Variants in COL6A3 observed in about 807,000 individuals in gnomAD.
COL6A3 encodes collagen alpha-3(VI) chain.
COL6A3 carries 137 observed loss-of-function variants against 274.1 expected under a neutral mutation model. That is an observed-to-expected ratio of 0.50 (90% CI 0.44 to 0.58). The LOEUF is 0.58. Ranked by LOEUF, COL6A3 falls within the 20% of genes least tolerant of loss-of-function variation. The probability of loss-of-function intolerance (pLI) is 0.00; values close to 1 mark genes in which losing one functional copy is unlikely to be tolerated. For synonymous variants in COL6A3, 1,650 were observed against 1,650.6 expected (o/e 1.00, Z 0.01); for missense variants, 3,950 against 4,124.9 (o/e 0.96, Z 1.16).
At position 237,377,297 on chromosome 2, in the gene COL6A3, C is replaced by T; in HGVS notation, c.2545G>A (p.Val849Met). ...LFLFDGSANL[V>M]GQFPVVRDFL... Reference sequence around the variant, plus strand: ...TCACGGACAACAGGGAACTGGCCCACAAGATTGGCTGAGCCGTCAAAGAGG... The same window carrying T: ...TCACGGACAACAGGGAACTGGCCCATAAGATTGGCTGAGCCGTCAAAGAGG... Residue 849 changes from valine to methionine, a missense_variant, in exon 7 of 44, where the codon GTG becomes ATG. Physicochemically the swap from Val to Met is conservative, Grantham distance 21. Transcript: ENST00000295550. 1.2e-6 allele frequency: 2 copies of T among 1,602,840 alleles called. No individual in the cohort carries two copies. The highest frequency in any genetic ancestry group is 2.2e-5 in the South Asian group (2 of 91,066).
chr2:237,324,880 A>T, intron 43 of COL6A3, 66 bp from the exon 44 acceptor site: 1 of 1,537,554 alleles, frequency 6.5e-7, no homozygotes, highest in Non-Finnish European at 9.0e-7. Context: ...GAAAAGCCAC[A>T]TTACTGACCC....
rs1700544279 is a variant in COL6A3, at chr2:237,336,334, A to G, written c.8766T>C (p.Pro2922=). The G allele has an allele frequency of 6.2e-7, 1 of 1,613,424 alleles. No homozygotes were observed. Among genetic ancestry groups the G allele is most frequent in the Non-Finnish European group, 8.5e-7 (1 of 1,179,518 alleles). ...TAACAGTGGCCATCTTTGTGGCCAC[A>G]GGCTTGGCAGCCACAGGTTTCGCAG... The part of the protein sequence containing the change: ...PAPAKPVAAK[P]VATKMATVRP... Residue 2922 remains proline, a synonymous_variant, in exon 40 of 44, where the codon CCT becomes CCC. Coordinates refer to ENST00000295550, the MANE Select transcript of COL6A3 (RefSeq NM_004369.4).
At chr2:237,355,868 A>G (rs2077306477) in intron 23 of COL6A3, 1 of 152,182 alleles carries the variant, frequency 6.6e-6, no homozygotes, top group Non-Finnish European at 1.5e-5. Context: ...CAAACCAACA[A>G]TCTGGCCTGG....
intron 42 of COL6A3, among the ~76,000 whole-genome samples, chr2:237,331,233 T>G (rs897363456): frequency 6.6e-6 from 1 of 152,218 alleles, no homozygotes; most frequent in Non-Finnish European, 1.5e-5. Flanking sequence ...ATGCAACTAC[T>G]GAGTAAGCAT....
chr2:237,369,781 T>A (rs920353767), intron 9 of COL6A3, among the ~76,000 whole-genome samples: 2 of 152,134 alleles, frequency 1.3e-5, no homozygotes, highest in South Asian at 4.1e-4. Context: ...TGCTCACACA[T>A]CTCTAGCATT....
At position 237,410,255 on chromosome 2, in the gene COL6A3, T is replaced by C. The variant is rs931637203; in HGVS notation, c.-31+3698A>G. Among the ~76,000 whole-genome samples the C allele has an allele frequency of 5.9e-5, 9 of 152,062 alleles. No homozygotes were observed. The East Asian group carries it at 1.5e-3, about 26-fold the overall frequency. ...AGAGGAAAGAAAACCAAACTGCCTT[T>C]TCAAAAACAGACCAGGATGAACGTG... On this transcript the variant is annotated intron_variant, in intron 1 of 43. Coordinates refer to ENST00000295550, the MANE Select transcript of COL6A3 (RefSeq NM_004369.4).
Position 237,336,188 on chromosome 2 carries a change from C to G in COL6A3, c.8912G>C (p.Arg2971Thr). The G allele has an allele frequency of 6.2e-7, 1 of 1,613,802 alleles. No homozygotes were observed. The highest frequency in any genetic ancestry group is 1.1e-5 in the South Asian group (1 of 91,090). ...GGCAGCTGGTTTGGCTGCCTGTGGC[C>G]TAGGGACCTCAGGCTTGGTCGCCAC... Reference protein sequence around the residue: ...KPVATKPEVPRPQAAKPAATK... With the variant: ...KPVATKPEVPTPQAAKPAATK... The change falls in exon 40 of 44, where the codon AGG becomes ACG. Residue 2971 changes from arginine (R) to threonine (T), a missense_variant. Arg to Thr is a moderately conservative substitution (Grantham distance 71). Transcript: ENST00000295550.
intron 5 of COL6A3, among the ~76,000 whole-genome samples, chr2:237,380,430 A>G (rs910441847): frequency 6.6e-6 from 1 of 152,218 alleles, no homozygotes; most frequent in Non-Finnish European, 1.5e-5. Context: ...ATGCTTTCCC[A>G]TTGAGGGTAA....
chr2:237,410,731 C>T (rs1273765504), intron 1 of COL6A3, among the ~76,000 whole-genome samples: 1 of 152,166 alleles, frequency 6.6e-6, no homozygotes, highest in Non-Finnish European at 1.5e-5. Context: ...CTGTGGAATA[C>T]TCCCTGGAAA....
At chr2:237,338,884 C>T in intron 39 of COL6A3, 131 bp downstream of exon 39, 1 of 701,602 alleles carries the variant, frequency 1.4e-6, no homozygotes. Context: ...GAAGCATGAC[C>T]CACATTACCT....
In COL6A3 at chr2:237,365,897, C is replaced by T; in HGVS notation, c.5639G>A (p.Gly1880Asp). ...TGACACACGCACGGTGGGCGAGCGG[C>T]CACCGCTGCAGCTGACCCTGTGCAT... is the stretch of plus-strand genomic sequence containing the variant. Reference protein sequence around the residue: ...SQMHRVSCSGGRSPTVRVSVV... With the variant: ...SQMHRVSCSGDRSPTVRVSVV... Residue 1880 changes from glycine (G) to aspartate (D), a missense_variant, in exon 12 of 44, where the codon GGC becomes GAC. By Grantham distance (94) the Gly-to-Asp change is moderately conservative. Coordinates refer to ENST00000295550, the MANE Select transcript of COL6A3 (RefSeq NM_004369.4). The T allele has an allele frequency of 6.2e-7, 1 of 1,614,144 alleles. No homozygotes were observed. Among genetic ancestry groups the T allele is most frequent in the East Asian group, 2.2e-5 (1 of 44,878 alleles).
At chr2:237,393,934 G>A (rs2078358150) in intron 3 of COL6A3, among the ~76,000 whole-genome samples, 1 of 152,110 alleles carries the variant, frequency 6.6e-6, no homozygotes, top group South Asian at 2.1e-4. Context: ...GAGTCTCTGT[G>A]GGCACAGCCA....
At position 237,324,448 on chromosome 2, in the gene COL6A3, A is replaced by G. The variant is rs1574909076; in HGVS notation, c.*326T>C. 1 of 315,670 alleles carries G rather than the reference A, an allele frequency of 3.2e-6. No homozygotes were observed. The highest frequency in any genetic ancestry group is 6.0e-6 in the Non-Finnish European group (1 of 165,948). The allele number at this position is 315,670 out of a possible 1,614,324, so 19.6% of individuals were successfully genotyped here. A position where few individuals can be genotyped will look rare whatever the true frequency, so the allele number is the denominator to read the frequency against. ...ATTTGCATTATTTTCTAGACTTTAC[A>G]TTTGCCTGCAACAGGCATAACATGA... On this transcript the variant is annotated 3_prime_UTR_variant, in exon 44 of 44. Coordinates refer to ENST00000295550, the MANE Select transcript of COL6A3 (RefSeq NM_004369.4).
rs560760480 is a variant in COL6A3, at chr2:237,357,398, T to C, written c.6538-7A>G. Reference sequence around the variant, plus strand: ...CATCTCTCCCTGGGACACCCTGGTGTGGGGAAAATTAGCATGAGATTCTCA... The same window carrying C: ...CATCTCTCCCTGGGACACCCTGGTGCGGGGAAAATTAGCATGAGATTCTCA... On this transcript the variant is annotated splice_polypyrimidine_tract_variant and splice_region_variant and intron_variant, in intron 22 of 43. Coordinates refer to ENST00000295550, the MANE Select transcript of COL6A3 (RefSeq NM_004369.4). 2 of 1,612,436 alleles carry C rather than the reference T, an allele frequency of 1.2e-6. No individual in the cohort carries two copies. The highest frequency in any genetic ancestry group is 2.7e-5 in the African/African-American group (2 of 74,984).
intron 1 of COL6A3, among the ~76,000 whole-genome samples, chr2:237,408,194 A>G (rs1158222473): frequency 6.6e-6 from 1 of 152,182 alleles, no homozygotes; most frequent in Non-Finnish European, 1.5e-5. Flanking sequence ...ATCTGATAAA[A>G]TATCATCCAT....
In COL6A3 at chr2:237,340,904, G is replaced by A. The variant is rs2076973332; in HGVS notation, c.8012C>T (p.Pro2671Leu). ...GCTGGCATTGTCCACGGACTCAGAG[G>A]GCGCGTGCTGCACAACTGCCACTCT... ...FARVAVVQHA[P>L]SESVDNASMP... The change falls in exon 38 of 44, where the codon CCC (proline) becomes CTC (leucine). Residue 2671 changes from proline to leucine, a missense_variant. Pro to Leu is a moderately conservative substitution (Grantham distance 98). Coordinates refer to ENST00000295550, the MANE Select transcript of COL6A3 (RefSeq NM_004369.4). 6.2e-7 allele frequency: 1 copy of A among 1,613,354 alleles called. No individual in the cohort carries two copies. The highest frequency in any genetic ancestry group is 1.3e-5 in the African/African-American group (1 of 75,032).
Position 237,376,771 on chromosome 2 carries a change from C to T in COL6A3, c.3070+1G>A. The stretch of plus-strand genomic sequence containing the variant: ...GAGCAACTAGCATTTCTCTACCATA[C>T]CTGGTGCTGGTGCTCCGTTGTGCAC... On this transcript the variant is annotated splice_donor_variant, in intron 7 of 43. Coordinates refer to ENST00000295550, the MANE Select transcript of COL6A3 (RefSeq NM_004369.4). LOFTEE classifies it high-confidence loss of function. 1 of 1,614,156 alleles carries T rather than the reference C, an allele frequency of 6.2e-7. No individual in the cohort carries two copies.
At position 237,340,723 on chromosome 2, in the gene COL6A3, T is replaced by G. The variant is rs140441798; in HGVS notation, c.8193A>C (p.Pro2731=). The G allele has an allele frequency of 5.2e-4, 836 of 1,614,106 alleles. 3 individuals carry two copies. Among genetic ancestry groups the G allele is most frequent in the South Asian group, 1.4e-3 (123 of 91,076 alleles). Residue 2731 remains proline (P), a synonymous_variant, in exon 38 of 44, where the codon CCA becomes CCC. Coordinates refer to ENST00000295550, the MANE Select transcript of COL6A3 (RefSeq NM_004369.4). ...YTIENVFESA[P]NPRDLKIVVL... is the part of the protein sequence containing the mutation. ...CCACAATTTTCAGGTCCCGTGGGTT[T>G]GGGGCACTTTCAAAGACATTCTCTA...
rs753603379 is a variant in COL6A3, at chr2:237,361,599, C to T, written c.6156+140G>A. 2 of 852,902 alleles carry T rather than the reference C, an allele frequency of 2.3e-6. No individual in the cohort carries two copies. Among genetic ancestry groups the T allele is most frequent in the Non-Finnish European group, 4.0e-6 (2 of 501,490 alleles). 52.8% of individuals were successfully genotyped at this position (852,902 alleles called of 1,614,324 possible). ...CAGCACGCAGGTCTGCCCCTCAGAG[C>T]TCCTCCTTCTAACATAAGAAATGGT... On this transcript the variant is annotated intron_variant, in intron 15 of 43. Coordinates refer to ENST00000295550, the MANE Select transcript of COL6A3 (RefSeq NM_004369.4). This position sits in a 1 kb window ranked among gnomAD's most constrained non-coding sequence, Gnocchi z 5.1.
Sources: allele counts gnomAD v4.1 joint callset (sites outside exome capture counted in the v4.1 genomes callset), GRCh38; gene constraint gnomAD v4.1.1; non-coding constraint Gnocchi (gnomAD v3.1); transcripts MANE v1.5; gene names NCBI Gene and HGNC (gene_info 2026-07-23, HGNC 2026-07-21).